The following ENTREP2 variants were observed in gnomAD, a reference collection of about 807,000 sequenced individuals.
ENTREP2 encodes endosomal transmembrane epsin interactor 2, also known as protein ENTREP2.
chr15:29,669,773 T>A, the ENTREP2 span, among the ~76,000 whole-genome samples: 1 of 152,188 alleles, frequency 6.6e-6, no homozygotes, highest in South Asian at 2.1e-4. Context: ...GGTGATTGAA[T>A]TACTTCCTCA....
the ENTREP2 span, among the ~76,000 whole-genome samples, chr15:29,489,651 T>C: frequency 3.2e-4 from 49 of 152,346 alleles, no homozygotes; most frequent in African/African-American, 1.1e-3. Flanking sequence ...CAAAATGTCA[T>C]GTCTCTCTGG....
At chr15:29,533,711 T>G in the ENTREP2 span, among the ~76,000 whole-genome samples, 1 of 152,034 alleles carries the variant, frequency 6.6e-6, no homozygotes, top group Non-Finnish European at 1.5e-5. Context: ...ACCTTGGAAT[T>G]TCCCCTTCTT....
chr15:29,617,989 C>T, the ENTREP2 span, among the ~76,000 whole-genome samples: 1 of 152,176 alleles, frequency 6.6e-6, no homozygotes, highest in Non-Finnish European at 1.5e-5. Flanking sequence ...TAGTTCCTGA[C>T]CAAGGTTGGG....
chr15:29,172,724 C>T, the ENTREP2 span, among the ~76,000 whole-genome samples: 1 of 152,098 alleles, frequency 6.6e-6, no homozygotes, highest in African/African-American at 2.4e-5. Context: ...CCTTGATCAT[C>T]CCACACACCC....
At chr15:29,224,561 G>C in the ENTREP2 span, among the ~76,000 whole-genome samples, 1 of 152,282 alleles carries the variant, frequency 6.6e-6, no homozygotes, top group East Asian at 1.9e-4. Flanking sequence ...CCCTGAGCTA[G>C]ACACAAAAGT....
At chr15:29,237,505 A>G in the ENTREP2 span, among the ~76,000 whole-genome samples, 1 of 152,120 alleles carries the variant, frequency 6.6e-6, no homozygotes, top group Non-Finnish European at 1.5e-5. Context: ...TATAAAAGGG[A>G]TGAGGTTTAG....
chr15:29,645,035 G>A, the ENTREP2 span, among the ~76,000 whole-genome samples: 9 of 152,102 alleles, frequency 5.9e-5, no homozygotes, highest in East Asian at 1.9e-4. Flanking sequence ...TGGGAAACAC[G>A]GCAAGGTGCC....
chr15:29,513,091 G>A, the ENTREP2 span, among the ~76,000 whole-genome samples: 1 of 152,080 alleles, frequency 6.6e-6, no homozygotes, highest in East Asian at 1.9e-4. Context: ...CTCTTTTTGT[G>A]TGACGTCTTA....
At chr15:29,275,612 A>T in the ENTREP2 span, among the ~76,000 whole-genome samples, 1 of 152,274 alleles carries the variant, frequency 6.6e-6, no homozygotes, top group African/African-American at 2.4e-5. Flanking sequence ...AAGTGCAAAG[A>T]ACAAGGAAAT....
At chr15:29,535,674 G>A in the ENTREP2 span, among the ~76,000 whole-genome samples, 1 of 152,090 alleles carries the variant, frequency 6.6e-6, no homozygotes, top group East Asian at 1.9e-4. Context: ...GGGTGATAAA[G>A]CAAGACCCTG....
the ENTREP2 span, among the ~76,000 whole-genome samples, chr15:29,498,406 T>C: frequency 3.3e-5 from 5 of 152,194 alleles, no homozygotes; most frequent in Non-Finnish European, 7.4e-5. Context: ...TGGGAGTATG[T>C]TGTTTGATTT....
At chr15:29,246,200 TG>T in the ENTREP2 span, among the ~76,000 whole-genome samples, 1 of 152,242 alleles carries the variant, frequency 6.6e-6, no homozygotes, top group Non-Finnish European at 1.5e-5. Context: ...GAGACCAGCC[TG>T]GCCAACACGG....
the ENTREP2 span, among the ~76,000 whole-genome samples, chr15:29,295,232 A>G: frequency 9.9e-5 from 15 of 152,248 alleles, no homozygotes; most frequent in African/African-American, 3.6e-4. Context: ...GCCTCCCTCA[A>G]AGCATGAAGC....
the ENTREP2 span, among the ~76,000 whole-genome samples, chr15:29,499,424 C>T: frequency 6.6e-6 from 1 of 152,044 alleles, no homozygotes; most frequent in Non-Finnish European, 1.5e-5. Flanking sequence ...TGCTCTGTTG[C>T]CCAGGCTGGA....
chr15:29,433,082 G>A, the ENTREP2 span, among the ~76,000 whole-genome samples: 75 of 152,278 alleles, frequency 4.9e-4, no homozygotes, highest in Non-Finnish European at 1.0e-3. Flanking sequence ...TCACACCACT[G>A]CCCTCTCATG....
the ENTREP2 span, among the ~76,000 whole-genome samples, chr15:29,435,348 C>A: frequency 6.6e-6 from 1 of 152,050 alleles, no homozygotes; most frequent in Non-Finnish European, 1.5e-5. Flanking sequence ...ATGAGGACAC[C>A]CTCCTAAAGA....
the ENTREP2 span, among the ~76,000 whole-genome samples, chr15:29,143,774 A>G: frequency 6.6e-6 from 1 of 152,224 alleles, no homozygotes; most frequent in Non-Finnish European, 1.5e-5. Context: ...TAGTACAACC[A>G]AAGCCACAAC....
chr15:29,612,433 C>A, the ENTREP2 span: 1 of 152,016 alleles, frequency 6.6e-6, no homozygotes, highest in Non-Finnish European at 1.5e-5. Flanking sequence ...TTAGAACCTT[C>A]CCACCACCAC....
chr15:29,434,337 G>A, the ENTREP2 span, among the ~76,000 whole-genome samples: 1 of 152,200 alleles, frequency 6.6e-6, no homozygotes, highest in Non-Finnish European at 1.5e-5. Context: ...CTGGTGCATA[G>A]GTCAACATTG....
Sources: gnomAD v4.1 joint callset for allele counts (sites outside exome capture counted in the v4.1 genomes callset) on GRCh38, gnomAD v4.1.1 for gene constraint, MANE v1.5 for transcripts, NCBI Gene and HGNC (gene_info 2026-07-23, HGNC 2026-07-21) for gene names.